NCALD: variants seen among roughly 807,000 people sequenced by gnomAD.
The protein encoded by NCALD is neurocalcin delta, also known as neurocalcin-delta.
Under a neutral mutation model 18.6 loss-of-function variants are expected in NCALD, and 10 were observed. That is an observed-to-expected ratio of 0.54 (90% CI 0.33 to 0.91). The LOEUF (loss-of-function observed/expected upper bound fraction) is 0.91, where lower values mean the gene tolerates loss of function less well. Among genes scored for constraint, NCALD ranks in the 40% least tolerant of loss-of-function variants. NCALD has a pLI of 0.03. For missense variants in NCALD, 184 were observed against 247.6 expected, an observed-to-expected ratio of 0.74 and a Z score of 1.72; for synonymous variants, 88 against 87.4, an observed-to-expected ratio of 1.01 and a Z score of -0.04.
intron 1 of NCALD, among the ~76,000 whole-genome samples, chr8:102,081,013 C>T (rs1380659043): frequency 6.6e-6 from 1 of 152,172 alleles, no homozygotes; most frequent in African/African-American, 2.4e-5. Context: ...TCATAATCAC[C>T]TGCAGCACTT....
chr8:101,847,676 AAT>A (rs1814924657), intron 4 of NCALD, among the ~76,000 whole-genome samples: 1 of 152,208 alleles, frequency 6.6e-6, no homozygotes, highest in Admixed American at 6.5e-5. Context: ...GAAAATGGAA[AAT>A]ATATGTTTCC....
At chr8:101,916,098 C>G (rs1478743124) in intron 2 of NCALD, among the ~76,000 whole-genome samples, 7 of 151,976 alleles carry the variant, frequency 4.6e-5, no homozygotes, top group Non-Finnish European at 8.8e-5. Context: ...AATGGGAAAC[C>G]TGGAATGGAC....
chr8:102,005,730 A>G (rs1300284641), intron 2 of NCALD, among the ~76,000 whole-genome samples: 2 of 152,218 alleles, frequency 1.3e-5, no homozygotes, highest in Non-Finnish European at 2.9e-5. Context: ...CTTTGTAGGG[A>G]CATGGATGAA....
At chr8:101,791,313 A>G (rs1415135125), upstream of NCALD, among the ~76,000 whole-genome samples, 1 of 152,128 alleles carries the variant, frequency 6.6e-6, no homozygotes, top group Non-Finnish European at 1.5e-5. Context: ...TTGTTTCACT[A>G]CCATCAGCAT....
intron 2 of NCALD, among the ~76,000 whole-genome samples, chr8:102,012,624 C>T (rs542324218): frequency 1.6e-4 from 24 of 152,322 alleles, no homozygotes; most frequent in Non-Finnish European, 2.9e-4. Context: ...TTGTTTGTTT[C>T]TTGAGAAGCA....
At chr8:101,915,366 T>C (rs1374436989) in intron 3 of NCALD, 1 of 152,222 alleles carries the variant, frequency 6.6e-6, no homozygotes, top group Admixed American at 6.5e-5. Flanking sequence ...AAATCTGTTA[T>C]GTGCCCATTA....
chr8:101,962,472 A>C (rs1230726463), intron 2 of NCALD, among the ~76,000 whole-genome samples: 1 of 152,208 alleles, frequency 6.6e-6, no homozygotes, highest in Non-Finnish European at 1.5e-5. Flanking sequence ...AATTAGTTTT[A>C]ATGCTTCCAA....
At chr8:102,005,919 T>A (rs1263574285) in intron 2 of NCALD, among the ~76,000 whole-genome samples, 1 of 151,234 alleles carries the variant, frequency 6.6e-6, no homozygotes, top group East Asian at 2.0e-4. Context: ...TTAGGAGATA[T>A]ACCTAATGTA....
chr8:101,841,590 T>G (rs1251425563), intron 4 of NCALD, among the ~76,000 whole-genome samples: 1 of 152,222 alleles, frequency 6.6e-6, no homozygotes, highest in Non-Finnish European at 1.5e-5. Flanking sequence ...GAAAGGCAGA[T>G]GCAAAATTGC....
chr8:101,805,780 A>G (rs932553064), intron 4 of NCALD, among the ~76,000 whole-genome samples: 1 of 152,212 alleles, frequency 6.6e-6, no homozygotes, highest in Non-Finnish European at 1.5e-5. Context: ...GCAAAAGCTA[A>G]CCTGCAGACC....
At chr8:101,895,847 G>A (rs1242161683) in intron 3 of NCALD, among the ~76,000 whole-genome samples, 1 of 146,958 alleles carries the variant, frequency 6.8e-6, no homozygotes. Flanking sequence ...ACAAACCACT[G>A]CTCAAGGAAA....
At chr8:101,991,726 G>A (rs1184050745) in intron 2 of NCALD, among the ~76,000 whole-genome samples, 1 of 152,180 alleles carries the variant, frequency 6.6e-6, no homozygotes, top group East Asian at 1.9e-4. Flanking sequence ...GAAGGACTCA[G>A]GTTGACAGTA....
At chr8:101,999,305 T>C (rs1043239640) in intron 2 of NCALD, among the ~76,000 whole-genome samples, 21 of 152,108 alleles carry the variant, frequency 1.4e-4, no homozygotes, top group Non-Finnish European at 5.9e-5. Flanking sequence ...TATATATATA[T>C]GCATACATAC....
At chr8:101,980,804 T>C (rs143510740) in intron 2 of NCALD, among the ~76,000 whole-genome samples, 2,690 of 152,342 alleles carry the variant, frequency 0.018, 29 homozygotes, top group South Asian at 0.041. Flanking sequence ...GGTATTCATG[T>C]ACCATCCAGA....
intron 4 of NCALD, among the ~76,000 whole-genome samples, chr8:101,858,658 T>C (rs996472181): frequency 2.0e-5 from 3 of 152,074 alleles, no homozygotes; most frequent in African/African-American, 7.2e-5. Context: ...AGGATTTCTC[T>C]TGGAAGAAAT....
intron 1 of NCALD, among the ~76,000 whole-genome samples, chr8:101,777,259 C>T (rs1356956828): frequency 1.3e-5 from 2 of 152,166 alleles, no homozygotes; most frequent in Non-Finnish European, 2.9e-5. Flanking sequence ...TCCCAGTCCC[C>T]GTGGGGTGCA....
rs115977965 is a variant in NCALD at position 101,800,743 on chromosome 8, A to G, written c.-19-81095T>C. Among the ~76,000 whole-genome samples the G allele has an allele frequency of 1.4e-3, 204 of 150,450 alleles. 2 individuals carry two copies. The highest frequency in any genetic ancestry group is 4.6e-3 in the African/African-American group (188 of 40,902). ...GGTGTAGCAATATTACTATCAATAC[A>G]TAATACTTTATAGCTACTAGAGGCT... On this transcript the variant is annotated intron_variant, in intron 4 of 6. Coordinates refer to the NCALD transcript ENST00000311028.
intron 2 of NCALD, among the ~76,000 whole-genome samples, chr8:101,716,147 G>T (rs547488684): frequency 2.0e-4 from 31 of 152,232 alleles, no homozygotes; most frequent in South Asian, 1.9e-3. Context: ...CACAAAAAAA[G>T]AATAAATTCA....
intron 3 of NCALD, among the ~76,000 whole-genome samples, chr8:101,888,045 A>C (rs1412912240): frequency 6.6e-6 from 1 of 152,180 alleles, no homozygotes; most frequent in East Asian, 1.9e-4. Flanking sequence ...GTCCCAGTGA[A>C]AGTTCTGAGG....
Sources: gnomAD v4.1 joint callset for allele counts (sites outside exome capture counted in the v4.1 genomes callset) on GRCh38, gnomAD v4.1.1 for gene constraint, MANE v1.5 for transcripts, NCBI Gene and HGNC (gene_info 2026-07-23, HGNC 2026-07-21) for gene names.